The following DDX4 variants were observed in gnomAD, a reference collection of about 807,000 sequenced individuals.
DDX4 encodes DEAD-box helicase 4, also known as probable ATP-dependent RNA helicase DDX4.
A neutral mutation model predicts 100.0 loss-of-function variants in DDX4; 25 were observed. That is an observed-to-expected ratio of 0.25 (90% CI 0.18 to 0.35). The LOEUF (loss-of-function observed/expected upper bound fraction) is 0.35. Ranked by LOEUF, DDX4 falls within the 10% of genes least tolerant of loss-of-function variation. The pLI is 1.00. For missense variants in DDX4, 635 were observed against 882.4 expected, an observed-to-expected ratio of 0.72 and a Z score of 3.55; for synonymous variants, 259 against 275.7, an observed-to-expected ratio of 0.94 and a Z score of 0.60.
chr5:55,750,566 C>G lies in DDX4; in HGVS notation c.127+4345C>G, dbSNP rs367990675. Reference sequence around the variant, plus strand: ...CTTCAATCATTCATTCCCAAATCTTCCAACGTGATCTTGATAGTATAGATT... The same window carrying G: ...CTTCAATCATTCATTCCCAAATCTTGCAACGTGATCTTGATAGTATAGATT... On this transcript the variant is annotated intron_variant, in intron 3 of 21. Transcript: ENST00000505374. Among the ~76,000 whole-genome samples the G allele has an allele frequency of 4.4e-4, 67 of 152,260 alleles. 1 individual carries two copies. In the East Asian group the frequency reaches 0.013, roughly 29 times the overall value.
chr5:55,776,429 A>G (rs994166379), intron 7 of DDX4, among the ~76,000 whole-genome samples: 1 of 152,226 alleles, frequency 6.6e-6, no homozygotes, highest in African/African-American at 2.4e-5. Context: ...TTAGAGAGGC[A>G]CAAGAGTCCT....
chr5:55,803,522 G>A (rs546158468), intron 18 of DDX4, among the ~76,000 whole-genome samples: 224 of 120,114 alleles, frequency 1.9e-3, no homozygotes, highest in African/African-American at 5.1e-3. Flanking sequence ...TCCCCTTCCT[G>A]TGTCCATGTG....
At chr5:55,775,877 T>G (rs1212687012) in intron 7 of DDX4, among the ~76,000 whole-genome samples, 4 of 152,106 alleles carry the variant, frequency 2.6e-5, no homozygotes, top group Non-Finnish European at 5.9e-5. Context: ...TCCCAGCACT[T>G]TGGGAGGCCG....
Position 55,790,858 on chromosome 5 carries a change from T to G in DDX4, c.1302+153T>G, listed in dbSNP as rs575559749. On this transcript the variant is annotated intron_variant, in intron 16 of 21. Transcript: ENST00000505374. The stretch of plus-strand genomic sequence containing the variant: ...CTTTGAATGCATTCTTATATAATTC[T>G]CAAGATAATCGCAGGGAATAGTGTT... Among the ~76,000 whole-genome samples the G allele has an allele frequency of 4.6e-5, 7 of 152,348 alleles. No homozygotes were observed. The South Asian group carries it at 1.4e-3, about 32-fold the overall frequency.
intron 3 of DDX4, among the ~76,000 whole-genome samples, chr5:55,752,134 T>C (rs1759593326): frequency 6.6e-6 from 1 of 152,068 alleles, no homozygotes; most frequent in Non-Finnish European, 1.5e-5. Flanking sequence ...AATAGAAAAT[T>C]TACTGTCTTA....
At chr5:55,765,395 T>TAAAAAA (rs57279452) in intron 6 of DDX4, among the ~76,000 whole-genome samples, 1 of 87,608 alleles carries the variant, frequency 1.1e-5, no homozygotes, top group African/African-American at 4.5e-5. Context: ...TTAGTTCCCC[T>TAAAAAA]AAAAAAAAAA....
intron 16 of DDX4, among the ~76,000 whole-genome samples, chr5:55,791,002 C>G (rs946338619): frequency 1.8e-4 from 27 of 152,108 alleles, no homozygotes; most frequent in African/African-American, 6.5e-4. Context: ...ATTCCAGAAT[C>G]CATATTCTAC....
In DDX4 at chr5:55,784,900, A is replaced by G. The variant is rs192022359; in HGVS notation, c.626-397A>G. On this transcript the variant is annotated intron_variant, in intron 10 of 21. Transcript: ENST00000505374. ...TGCCTATGTGCCTTTTCTTCTGCTG[A>G]TAGTACTCCCTATTTTTTCACTAAT... 1.6e-3 allele frequency among the ~76,000 whole-genome samples: 241 copies of G among 152,302 alleles called. 4 individuals carry two copies. The highest frequency in any genetic ancestry group is 2.5e-4 in the Non-Finnish European group (17 of 68,016).
chr5:55,765,573 G>A (rs1740865895), intron 6 of DDX4, among the ~76,000 whole-genome samples: 1 of 151,644 alleles, frequency 6.6e-6, no homozygotes, highest in Non-Finnish European at 1.5e-5. Flanking sequence ...GCTTAAGCTG[G>A]TATATTGTAG....
intron 15 of DDX4, among the ~76,000 whole-genome samples, 186 bp from the exon 16 acceptor site, chr5:55,790,390 C>T (rs966643381): frequency 2.8e-4 from 42 of 152,140 alleles, no homozygotes; most frequent in African/African-American, 9.7e-4. Context: ...AGGTGATTTG[C>T]CCGCCCTGGC....
intron 14 of DDX4, among the ~76,000 whole-genome samples, 174 bp from the exon 15 acceptor site, chr5:55,787,672 T>A (rs1742327128): frequency 6.6e-6 from 1 of 152,176 alleles, no homozygotes; most frequent in Non-Finnish European, 1.5e-5. Flanking sequence ...AATAAGAGCA[T>A]AAAGACATAA....
intron 18 of DDX4, among the ~76,000 whole-genome samples, chr5:55,805,777 A>G (rs1479080005): frequency 1.3e-5 from 2 of 152,166 alleles, no homozygotes; most frequent in Non-Finnish European, 2.9e-5. Context: ...ATATTGGTCT[A>G]AAATTCTCTT....
At chr5:55,798,344 T>A (rs1367179926) in intron 17 of DDX4, 82 bp from the exon 18 acceptor site, 4 of 1,420,596 alleles carry the variant, frequency 2.8e-6, no homozygotes, top group Non-Finnish European at 2.9e-6. Context: ...AATATTGAGA[T>A]AACACCTACA....
At position 55,760,273 on chromosome 5, in the gene DDX4, C is replaced by T; in HGVS notation, c.201C>T (p.Asn67=). 1 of 1,562,366 alleles carries T rather than the reference C, an allele frequency of 6.4e-7. No individual in the cohort carries two copies. The highest frequency in any genetic ancestry group is 1.2e-5 in the South Asian group (1 of 81,870). ...SGFASGRNFG[N]RDAGECNKRD... is the part of the protein sequence containing the mutation. The stretch of plus-strand genomic sequence containing the variant: ...TTGCCTCTGGGCGGAATTTTGGAAA[C>T]AGAGGTAAGCATCTTTGTCTTTCCT... The change falls in exon 4 of 22, where the codon AAC becomes AAT. Residue 67 remains asparagine (N), a synonymous_variant. Coordinates refer to ENST00000505374, the MANE Select transcript of DDX4 (RefSeq NM_024415.3).
intron 8 of DDX4, 85 bp from the exon 9 acceptor site, chr5:55,780,981 C>A: frequency 8.3e-7 from 1 of 1,203,686 alleles, no homozygotes. Context: ...CTTCTGATAC[C>A]ATAACTTGAT....
chr5:55,802,670 C>G (rs577831844), intron 18 of DDX4, among the ~76,000 whole-genome samples: 110 of 152,202 alleles, frequency 7.2e-4, no homozygotes, highest in Non-Finnish European at 1.4e-3. Flanking sequence ...GGCTTGGAGT[C>G]TGTCCTTTAG....
intron 17 of DDX4, among the ~76,000 whole-genome samples, chr5:55,798,076 A>C (rs1405817172): frequency 6.6e-6 from 1 of 152,238 alleles, no homozygotes; most frequent in Non-Finnish European, 1.5e-5. Context: ...TTCAGGTTTT[A>C]CTAAAAAATA....
In DDX4 at chr5:55,804,632, T is replaced by C. The variant is rs1048246016; in HGVS notation, c.1615+6061T>C. Among the ~76,000 whole-genome samples the C allele has an allele frequency of 7.5e-3, 1,146 of 152,158 alleles. 4 individuals are homozygous for C. The highest frequency in any genetic ancestry group is 0.012 in the Non-Finnish European group (792 of 67,914). On this transcript the variant is annotated intron_variant, in intron 18 of 21. Coordinates refer to ENST00000505374, the MANE Select transcript of DDX4 (RefSeq NM_024415.3). Reference sequence around the variant, plus strand: ...AGGTTTGTCAAAGATCAGATAGTTGTAGATATGCTGCGTTATTTCTGAGGG... The same window carrying C: ...AGGTTTGTCAAAGATCAGATAGTTGCAGATATGCTGCGTTATTTCTGAGGG...
intron 17 of DDX4, among the ~76,000 whole-genome samples, chr5:55,794,706 T>C (rs1343308085): frequency 6.6e-6 from 1 of 152,206 alleles, no homozygotes; most frequent in Non-Finnish European, 1.5e-5. Flanking sequence ...TTATAAGCTC[T>C]GGGGATATAT....
Sources: gnomAD v4.1 joint callset for allele counts (sites outside exome capture counted in the v4.1 genomes callset) on GRCh38, gnomAD v4.1.1 for gene constraint, MANE v1.5 for transcripts, NCBI Gene and HGNC (gene_info 2026-07-23, HGNC 2026-07-21) for gene names.